The following KCNMA1 variants were observed in gnomAD, a reference collection of about 807,000 sequenced individuals.
KCNMA1 encodes the protein Calcium-activated potassium channel subunit alpha-1.
In KCNMA1, 29 loss-of-function variants were observed where a neutral mutation model predicts 140.0. The observed-to-expected ratio is 0.21, with a 90% CI of 0.15 to 0.28. The LOEUF (loss-of-function observed/expected upper bound fraction) is 0.28. Ranked by LOEUF, KCNMA1 falls within the 10% of genes least tolerant of loss-of-function variation. The pLI is 1.00. For missense variants in KCNMA1, 880 were observed against 1,602.2 expected (o/e 0.55, Z 7.70); for synonymous variants, 612 against 611.9 (o/e 1.00, Z 0.00).
At chr10:77,045,336 G>A (rs542241982) in intron 14 of KCNMA1, among the ~76,000 whole-genome samples, 7 of 152,336 alleles carry the variant, frequency 4.6e-5, no homozygotes, top group African/African-American at 7.2e-5. Flanking sequence ...TCCTTTGGCT[G>A]TCACATCAAA....
downstream of KCNMA1, chr10:76,877,624 C>A: frequency 1.1e-6 from 1 of 935,128 alleles, no homozygotes; most frequent in Non-Finnish European, 1.6e-6. Context: ...TATTTTCTGG[C>A]AATTCTTGCT....
intron 9 of KCNMA1, among the ~76,000 whole-genome samples, chr10:77,107,241 C>T (rs562342754): frequency 1.9e-4 from 29 of 152,198 alleles, no homozygotes; most frequent in South Asian, 8.3e-4. Context: ...TGAAACAGAA[C>T]GAGAAGGGAA....
chr10:77,577,184 T>C (rs963431790), intron 1 of KCNMA1, among the ~76,000 whole-genome samples: 1 of 151,868 alleles, frequency 6.6e-6, no homozygotes, highest in Non-Finnish European at 1.5e-5. Flanking sequence ...GTGGCTGGGA[T>C]TACAGGCGCC....
intron 1 of KCNMA1, among the ~76,000 whole-genome samples, chr10:77,440,753 G>T (rs149253886): frequency 6.6e-6 from 1 of 152,284 alleles, no homozygotes; most frequent in East Asian, 1.9e-4. Flanking sequence ...TTTGCAGAGT[G>T]AGCAGGACTT....
chr10:76,990,937 T>C (rs1477945787), intron 19 of KCNMA1, among the ~76,000 whole-genome samples: 1 of 152,192 alleles, frequency 6.6e-6, no homozygotes, highest in Non-Finnish European at 1.5e-5. Context: ...TGGCTCCTAA[T>C]AGGTAATAGC....
intron 19 of KCNMA1, among the ~76,000 whole-genome samples, chr10:76,997,482 C>T (rs1212621058): frequency 1.3e-5 from 2 of 152,214 alleles, no homozygotes; most frequent in African/African-American, 4.8e-5. Flanking sequence ...GTTACTGATG[C>T]TTTGTGACTA....
chr10:76,997,387 C>T (rs1179395618), intron 19 of KCNMA1, among the ~76,000 whole-genome samples: 1 of 152,226 alleles, frequency 6.6e-6, no homozygotes, highest in African/African-American at 2.4e-5. Flanking sequence ...AGCAATCACA[C>T]ATGTACTTTA....
intron 23 of KCNMA1, among the ~76,000 whole-genome samples, chr10:76,921,758 CCA>C (rs1377874577): frequency 6.6e-6 from 1 of 152,096 alleles, no homozygotes; most frequent in Non-Finnish European, 1.5e-5. Flanking sequence ...GGAAGAAAAT[CCA>C]CACACACCAG....
At chr10:77,077,973 G>A (rs2096450574) in intron 13 of KCNMA1, 2 of 152,240 alleles carry the variant, frequency 1.3e-5, no homozygotes, top group East Asian at 1.9e-4. Flanking sequence ...GCTGGGCAGT[G>A]GCTGGCAGCA....
intron 1 of KCNMA1, among the ~76,000 whole-genome samples, chr10:77,625,455 T>C (rs2092358346): frequency 6.6e-6 from 1 of 152,222 alleles, no homozygotes; most frequent in Admixed American, 6.5e-5. Context: ...TTCACATTGT[T>C]GTGCATCCCA....
At chr10:77,263,954 C>T (rs778268923) in intron 2 of KCNMA1, among the ~76,000 whole-genome samples, 1 of 152,104 alleles carries the variant, frequency 6.6e-6, no homozygotes, top group Non-Finnish European at 1.5e-5. Flanking sequence ...CTCCTTCCTG[C>T]CCTCACCTCA....
chr10:77,241,179 AATTTCCAGAAGG>A (rs1386896793), intron 3 of KCNMA1, among the ~76,000 whole-genome samples: 2 of 152,140 alleles, frequency 1.3e-5, no homozygotes, highest in African/African-American at 4.8e-5. Flanking sequence ...TATCTGTGAA[AATTTCCAGAAGG>A]ATGGGGCTGT....
chr10:77,324,518 T>C (rs938127213), intron 2 of KCNMA1, among the ~76,000 whole-genome samples: 1 of 146,120 alleles, frequency 6.8e-6, no homozygotes, highest in Non-Finnish European at 1.6e-5. Context: ...CTGTCAATGC[T>C]AAAATATTTA....
chr10:77,279,418 C>T (rs1485827764), intron 2 of KCNMA1, among the ~76,000 whole-genome samples: 1 of 152,128 alleles, frequency 6.6e-6, no homozygotes, highest in Non-Finnish European at 1.5e-5. Context: ...CCCAGGGCAT[C>T]CAATCCCAGC....
At chr10:77,299,160 A>T (rs1296007674) in intron 2 of KCNMA1, among the ~76,000 whole-genome samples, 2 of 152,186 alleles carry the variant, frequency 1.3e-5, no homozygotes, top group East Asian at 3.9e-4. Flanking sequence ...GGCATGTGAT[A>T]AAGATGGGGA....
In KCNMA1 at chr10:77,073,188, T is replaced by C. The variant is rs1202364879; in HGVS notation, c.1658A>G (p.Glu553Gly). The C allele has an allele frequency of 6.2e-7, 1 of 1,614,210 alleles. No individual in the cohort carries two copies. The highest frequency in any genetic ancestry group is 1.7e-5 in the Admixed American group (1 of 60,022). ...CTGGGCTATGAAGCCCAACTTCAAC[T>C]CTGCGAGGCAGATTGCGTCATCACC... is the stretch of plus-strand genomic sequence containing the variant. ...KEGDDAICLA[E>G]LKLGFIAQSC... Residue 553 changes from glutamate (E) to glycine (G), a missense_variant, in exon 14 of 28, where the codon GAG becomes GGG. Around this residue, in one of 13 missense-constraint regions of KCNMA1, gnomAD observed 198 missense variants for 580.1 expected, o/e 0.34. Coordinates refer to ENST00000286628, the MANE Select transcript of KCNMA1 (RefSeq NM_001161352.2).
intron 3 of KCNMA1, among the ~76,000 whole-genome samples, chr10:77,204,200 G>C (rs1002197408): frequency 1.3e-5 from 2 of 152,100 alleles, no homozygotes; most frequent in East Asian, 1.9e-4. Context: ...TGCATTCAAA[G>C]GACTGATTTG....
chr10:77,255,197 T>A (rs545136503), intron 2 of KCNMA1, among the ~76,000 whole-genome samples: 7 of 152,316 alleles, frequency 4.6e-5, no homozygotes, highest in Non-Finnish European at 8.8e-5. Flanking sequence ...AGCAATTTGA[T>A]AAATGTCATT....
chr10:77,310,296 C>T (rs1053379595), intron 2 of KCNMA1, among the ~76,000 whole-genome samples: 2 of 152,064 alleles, frequency 1.3e-5, no homozygotes, highest in Non-Finnish European at 2.9e-5. Flanking sequence ...TGCTGCAGTG[C>T]CTATCCCCCA....
Sources: allele counts gnomAD v4.1 joint callset (sites outside exome capture counted in the v4.1 genomes callset), GRCh38; gene constraint gnomAD v4.1.1; regional missense constraint gnomAD v4.1.1; transcripts MANE v1.5; gene names NCBI Gene and HGNC (gene_info 2026-07-23, HGNC 2026-07-21).